CDC42BPA: variants seen among roughly 807,000 people sequenced by gnomAD.
CDC42BPA encodes the protein serine/threonine-protein kinase MRCK alpha.
A neutral mutation model predicts 223.5 loss-of-function variants in CDC42BPA; 80 were observed. That is an observed-to-expected ratio of 0.36 (90% CI 0.30 to 0.43). CDC42BPA has a LOEUF of 0.43. Among genes scored for constraint, CDC42BPA ranks in the 20% least tolerant of loss-of-function variants. The pLI, the probability that CDC42BPA is intolerant of heterozygous loss-of-function variation, is 1.00. For synonymous variants in CDC42BPA, 694 were observed against 718.6 expected (o/e 0.97, Z 0.55); for missense variants, 1,743 against 2,099.9 (o/e 0.83, Z 3.32).
At chr1:227,203,017 T>C (rs1672057486) in intron 3 of CDC42BPA, among the ~76,000 whole-genome samples, 2 of 152,116 alleles carry the variant, frequency 1.3e-5, no homozygotes, top group African/African-American at 2.4e-5. Context: ...GAGAAACTAG[T>C]ATAAAAACCC....
intron 2 of CDC42BPA, among the ~76,000 whole-genome samples, chr1:227,237,767 G>A (rs957353448): frequency 3.3e-5 from 5 of 151,960 alleles, no homozygotes; most frequent in East Asian, 1.9e-4. Context: ...TTGGCCAGGC[G>A]CGGGGGCTCA....
At chr1:227,060,761 T>C (rs1675753428) in intron 21 of CDC42BPA, among the ~76,000 whole-genome samples, 1 of 142,550 alleles carries the variant, frequency 7.0e-6, no homozygotes, top group Admixed American at 7.1e-5. Context: ...TCTTGCTCTG[T>C]CACCCAGGTG....
At chr1:227,135,615 G>A (rs111510118) in intron 10 of CDC42BPA, among the ~76,000 whole-genome samples, 23,432 of 151,948 alleles carry the variant, frequency 0.15, 2,185 homozygotes, top group African/African-American at 0.25. Context: ...AGCACTTAGG[G>A]AGGCTGAGAC....
chr1:226,995,320 A>ATGG, intron 35 of CDC42BPA, among the ~76,000 whole-genome samples: 1 of 152,254 alleles, frequency 6.6e-6, no homozygotes, highest in African/African-American at 2.4e-5. Context: ...CCAGCCACTG[A>ATGG]CGGCTCCCAG....
intron 1 of CDC42BPA, among the ~76,000 whole-genome samples, chr1:227,303,560 C>G (rs751119555): frequency 7.2e-5 from 11 of 152,150 alleles, no homozygotes; most frequent in Non-Finnish European, 1.0e-4. Flanking sequence ...TCTAAACCAG[C>G]CTCAATCAAT....
At chr1:227,232,182 G>C (rs546612578) in intron 2 of CDC42BPA, among the ~76,000 whole-genome samples, 5 of 152,160 alleles carry the variant, frequency 3.3e-5, no homozygotes, top group Non-Finnish European at 7.3e-5. Context: ...AAGGGATCCA[G>C]TTTCAGCTTT....
intron 12 of CDC42BPA, among the ~76,000 whole-genome samples, chr1:227,118,058 C>T (rs1688051538): frequency 6.6e-6 from 1 of 152,130 alleles, no homozygotes; most frequent in African/African-American, 2.4e-5. Context: ...ATTAAGACCA[C>T]AACCAAACAT....
chr1:227,174,414 A>G (rs1260007289), intron 5 of CDC42BPA, among the ~76,000 whole-genome samples: 1 of 152,152 alleles, frequency 6.6e-6, no homozygotes, highest in African/African-American at 2.4e-5. Context: ...CACAAATCTA[A>G]GCTGAAAGAG....
intron 5 of CDC42BPA, among the ~76,000 whole-genome samples, chr1:227,189,482 T>C (rs1165875807): frequency 6.6e-6 from 1 of 152,200 alleles, no homozygotes; most frequent in South Asian, 2.1e-4. Context: ...GTCAAAACAC[T>C]TTCATATACA....
At chr1:227,063,045 A>G (rs1676254293) in intron 21 of CDC42BPA, among the ~76,000 whole-genome samples, 1 of 152,192 alleles carries the variant, frequency 6.6e-6, no homozygotes, top group Non-Finnish European at 1.5e-5. Flanking sequence ...CTATCACCAC[A>G]GCAATGATTT....
chr1:227,317,190 T>C lies in CDC42BPA; in HGVS notation c.-8A>G. On this transcript the variant is annotated 5_prime_UTR_variant, in exon 1 of 37. Transcript: ENST00000366766. ...ACGCACTTCTCCAGACATGTTTGCT[T>C]CGATTTCTGCTGGTTTTCCTTTAAA... 1 of 1,596,234 alleles carries C rather than the reference T, an allele frequency of 6.3e-7. No individual in the cohort carries two copies. Among genetic ancestry groups the C allele is most frequent in the Non-Finnish European group, 8.5e-7 (1 of 1,172,454 alleles).
rs373761166 is a variant in CDC42BPA at position 227,077,405 on chromosome 1, A to C, written c.2481-3041T>G. 1.8e-4 allele frequency among the ~76,000 whole-genome samples: 27 copies of C among 152,326 alleles called. No homozygotes were observed. The East Asian group carries it at 4.8e-3, about 27-fold the overall frequency. On this transcript the variant is annotated intron_variant, in intron 17 of 36. Coordinates refer to ENST00000366766, the MANE Select transcript of CDC42BPA (RefSeq NM_001394014.1). ...CACAAATGAGCATTACTGAATGAGG[A>C]ATGTTTCAAATATGTGAGTGGATTT...
intron 1 of CDC42BPA, among the ~76,000 whole-genome samples, chr1:227,309,532 C>T (rs981358660): frequency 2.0e-5 from 3 of 152,188 alleles, no homozygotes; most frequent in African/African-American, 7.2e-5. Flanking sequence ...AACCAATGGC[C>T]TAGCCAAAAT....
chr1:227,075,589 GA>G lies in CDC42BPA; in HGVS notation c.2481-1226del, dbSNP rs1273765227. Among the ~76,000 whole-genome samples the G allele has an allele frequency of 2.0e-5, 3 of 152,248 alleles. No homozygotes were observed. The East Asian group carries it at 5.8e-4, about 29-fold the overall frequency. On this transcript the variant is annotated intron_variant, in intron 17 of 36. Transcript: ENST00000366766. Reference sequence around the variant, plus strand: ...TGCCTGTTAAAGAAAAATGGTTTTGGAAATTATTTTAAGAATGTTTGTGTAG... The same window carrying G: ...TGCCTGTTAAAGAAAAATGGTTTTGGAATTATTTTAAGAATGTTTGTGTAG...
At chr1:227,055,384 T>C (rs752453923) in intron 21 of CDC42BPA, among the ~76,000 whole-genome samples, 2 of 152,144 alleles carry the variant, frequency 1.3e-5, no homozygotes, top group Non-Finnish European at 2.9e-5. Flanking sequence ...ATTAAATGCC[T>C]ACCAATGCAT....
At chr1:227,036,664 C>T (rs12405723) in intron 24 of CDC42BPA, among the ~76,000 whole-genome samples, 23,485 of 152,074 alleles carry the variant, frequency 0.15, 2,199 homozygotes, top group African/African-American at 0.25. Context: ...CTCCTGACCT[C>T]GTGATCCGCC....
intron 1 of CDC42BPA, among the ~76,000 whole-genome samples, chr1:227,283,780 G>A (rs1688378462): frequency 6.6e-6 from 1 of 152,146 alleles, no homozygotes; most frequent in Non-Finnish European, 1.5e-5. Flanking sequence ...TTTTGTTAAT[G>A]CTTTATTAGG....
intron 14 of CDC42BPA, chr1:227,112,074 A>G (rs1687020202): frequency 3.0e-6 from 1 of 334,804 alleles, no homozygotes; most frequent in East Asian, 4.9e-5. Context: ...CTGCATAAAC[A>G]TTCTAACTCC....
intron 2 of CDC42BPA, among the ~76,000 whole-genome samples, chr1:227,221,559 G>T (rs1328729290): frequency 1.9e-5 from 1 of 52,044 alleles, no homozygotes. Context: ...CACTACCCCT[G>T]GCCTAGTTCA....
Sources: allele counts gnomAD v4.1 joint callset (sites outside exome capture counted in the v4.1 genomes callset), GRCh38; gene constraint gnomAD v4.1.1; transcripts MANE v1.5; gene names NCBI Gene and HGNC (gene_info 2026-07-23, HGNC 2026-07-21).